Variants in FGD6 observed in about 807,000 individuals in gnomAD.
The protein encoded by FGD6 is FYVE, RhoGEF and PH domain-containing protein 6.
In FGD6, 90 loss-of-function variants were observed where a neutral mutation model predicts 149.4. The observed-to-expected ratio is 0.60, with a 90% CI of 0.51 to 0.72. The LOEUF (loss-of-function observed/expected upper bound fraction) is 0.72. FGD6 is among the 30% of genes least tolerant of loss of function. The pLI is 0.00. For synonymous variants in FGD6, 527 were observed against 584.0 expected, an observed-to-expected ratio of 0.90 and a Z score of 1.41; for missense variants, 1,437 against 1,684.8, an observed-to-expected ratio of 0.85 and a Z score of 2.57.
intron 18 of FGD6, among the ~76,000 whole-genome samples, chr12:95,088,893 G>C (rs1046008391): frequency 6.6e-6 from 1 of 152,110 alleles, no homozygotes; most frequent in African/African-American, 2.4e-5. Flanking sequence ...ATGTATGCTA[G>C]AACACCTCCT....
chr12:95,107,646 C>T lies in FGD6; in HGVS notation c.3265-15G>A, dbSNP rs1235405866. ...TTGAGAAAAACCTGATTCACCCAAA[C>T]AAACACCCATTTAGTCCTACCATCA... On this transcript the variant is annotated splice_polypyrimidine_tract_variant and intron_variant, in intron 11 of 20. Coordinates refer to ENST00000343958, the MANE Select transcript of FGD6 (RefSeq NM_018351.4). 1 of 1,613,678 alleles carries T rather than the reference C, an allele frequency of 6.2e-7. No homozygotes were observed. Among genetic ancestry groups the T allele is most frequent in the Middle Eastern group, 1.6e-4 (1 of 6,062 alleles).
intron 3 of FGD6, among the ~76,000 whole-genome samples, chr12:95,156,838 A>C (rs553452957): frequency 6.6e-6 from 1 of 152,328 alleles, no homozygotes; most frequent in South Asian, 2.1e-4. Flanking sequence ...GGGAAAATGA[A>C]AACAACCTAC....
intron 1 of FGD6, among the ~76,000 whole-genome samples, chr12:95,216,669 C>CAAAAAAA (rs143881424): frequency 1.0e-4 from 9 of 88,722 alleles, no homozygotes; most frequent in East Asian, 3.9e-4. Context: ...TGCAGACAAG[C>CAAAAAAA]AAAAAAAAAA....
chr12:95,080,157 G>A lies in FGD6; in HGVS notation c.*1363C>T, dbSNP rs563691122. The A allele has an allele frequency of 5.3e-5, 8 of 152,158 alleles. No individual in the cohort carries two copies. The highest frequency in any genetic ancestry group is 1.9e-4 in the African/African-American group (8 of 41,514). 9.4% of individuals were successfully genotyped at this position (152,158 alleles called of 1,614,324 possible). A position where few individuals can be genotyped will look rare whatever the true frequency, so the allele number is the denominator to read the frequency against. On this transcript the variant is annotated 3_prime_UTR_variant, in exon 21 of 21. Transcript: ENST00000343958. ...AATAGAGATGGGGTTTCACCATATT[G>A]GCCAGGCTGGTCTCGATCTCCTGAC...
Position 95,080,902 on chromosome 12 carries a change from T to C in FGD6, c.*618A>G, listed in dbSNP as rs935384040. On this transcript the variant is annotated 3_prime_UTR_variant, in exon 21 of 21. Coordinates refer to ENST00000343958, the MANE Select transcript of FGD6 (RefSeq NM_018351.4). ...TCTTTGCTATAATTCTTTGATGATGTAATATTAACTCCTGCCAAAGAGGTA... is the reference window on the plus strand; with the variant it reads ...TCTTTGCTATAATTCTTTGATGATGCAATATTAACTCCTGCCAAAGAGGTA... 3.3e-5 allele frequency: 5 copies of C among 152,200 alleles called. No homozygotes were observed. Among genetic ancestry groups the C allele is most frequent in the African/African-American group, 1.2e-4 (5 of 41,456 alleles). 9.4% of individuals were successfully genotyped at this position (152,200 alleles called of 1,614,324 possible). A position where few individuals can be genotyped will look rare whatever the true frequency, so the allele number is the denominator to read the frequency against.
chr12:95,185,689 C>T (rs1050444549), intron 2 of FGD6, among the ~76,000 whole-genome samples: 2 of 152,182 alleles, frequency 1.3e-5, no homozygotes, highest in African/African-American at 2.4e-5. Context: ...GGCGAAACCT[C>T]GTCTCTTCTA....
chr12:95,210,262 G>A lies in FGD6; in HGVS notation c.1022C>T (p.Pro341Leu), dbSNP rs754288500. ...VDTPSESTEE[P>L]GNSDSSSSCL... ...GGAAGAGCTACTGTCTGAATTCCCCGGTTCTTCAGTGCTTTCACTAGGAGT... is the reference window on the plus strand; with the variant it reads ...GGAAGAGCTACTGTCTGAATTCCCCAGTTCTTCAGTGCTTTCACTAGGAGT... The change falls in exon 2 of 21, where the codon CCG becomes CTG. Residue 341 changes from proline (P) to leucine (L), a missense_variant. By Grantham distance (98) the Pro-to-Leu change is moderately conservative (BLOSUM62 -3). Around this residue, in one of 2 missense-constraint regions of FGD6, gnomAD observed 1,055 missense variants for 1,146.0 expected, o/e 0.92. Transcript: ENST00000343958. 6.2e-6 allele frequency: 10 copies of A among 1,613,684 alleles called. No individual in the cohort carries two copies. The highest frequency in any genetic ancestry group is 2.2e-5 in the South Asian group (2 of 91,042).
rs776854986 is a variant in FGD6, at chr12:95,081,565, A to G, written c.4257-9T>C. On this transcript the variant is annotated splice_polypyrimidine_tract_variant and intron_variant, in intron 20 of 20. Coordinates refer to ENST00000343958, the MANE Select transcript of FGD6 (RefSeq NM_018351.4). The stretch of plus-strand genomic sequence containing the variant: ...GAAATGCTTCTATCCACCTATTGAT[A>G]AGAGAAATCGGTTAGATTTGTAAAA... The G allele has an allele frequency of 6.3e-7, 1 of 1,599,800 alleles. No homozygotes were observed. Among genetic ancestry groups the G allele is most frequent in the African/African-American group, 1.3e-5 (1 of 74,792 alleles).
chr12:95,143,324 A>T (rs1289416554), intron 5 of FGD6, among the ~76,000 whole-genome samples: 1 of 151,788 alleles, frequency 6.6e-6, no homozygotes, highest in Non-Finnish European at 1.5e-5. Context: ...GGACAACCAA[A>T]AACCTCATAG....
intron 5 of FGD6, among the ~76,000 whole-genome samples, chr12:95,146,730 T>C (rs1045368866): frequency 1.3e-5 from 2 of 152,170 alleles, no homozygotes; most frequent in Admixed American, 1.3e-4. Flanking sequence ...GGCCTCTGAA[T>C]TATGAAGCAT....
In FGD6 at chr12:95,194,371, G is replaced by A. The variant is rs117420531; in HGVS notation, c.2441+14472C>T. ...CTGCCCCAGCCTCCTGAATAGCTCA[G>A]ATTACAGGCATGAACCACTATGCCT... On this transcript the variant is annotated intron_variant, in intron 2 of 20. Coordinates refer to ENST00000343958, the MANE Select transcript of FGD6 (RefSeq NM_018351.4). Among the ~76,000 whole-genome samples the A allele has an allele frequency of 1.9e-3, 289 of 152,244 alleles. No individual in the cohort carries two copies. In the East Asian group the frequency reaches 0.026, roughly 13 times the overall value.
In FGD6 at chr12:95,152,924, A is replaced by G. The variant is rs1391253906; in HGVS notation, c.2654+2T>C. On this transcript the variant is annotated splice_donor_variant, in intron 4 of 20. Coordinates refer to ENST00000343958, the MANE Select transcript of FGD6 (RefSeq NM_018351.4). LOFTEE classifies it high-confidence loss of function. ...CTTCTGAATTGTAAACTAGATACCTACACTTTCTCTGAGCTCATGATCTCC... is the reference window on the plus strand; with the variant it reads ...CTTCTGAATTGTAAACTAGATACCTGCACTTTCTCTGAGCTCATGATCTCC... 1 of 1,613,950 alleles carries G rather than the reference A, an allele frequency of 6.2e-7. No homozygotes were observed. Among genetic ancestry groups the G allele is most frequent in the Non-Finnish European group, 8.5e-7 (1 of 1,179,894 alleles).
At position 95,150,773 on chromosome 12, in the gene FGD6, C is replaced by T. The variant is rs575712386; in HGVS notation, c.2685+2038G>A. Among the ~76,000 whole-genome samples, 4 of 152,120 alleles carry T rather than the reference C, an allele frequency of 2.6e-5. No individual in the cohort carries two copies. The South Asian group carries it at 8.3e-4, about 32-fold the overall frequency. ...ATAAGTGTGTGCTACCCATGCCTAG[C>T]TTTGTCCTATCATTAAAAAAAGAAA... On this transcript the variant is annotated intron_variant, in intron 5 of 20. Coordinates refer to ENST00000343958, the MANE Select transcript of FGD6 (RefSeq NM_018351.4).
Position 95,085,836 on chromosome 12 carries a change from T to C in FGD6, c.4051A>G (p.Lys1351Glu). ...YRSKGNKKPW[K>E]HFWFVIKNKV... The stretch of plus-strand genomic sequence containing the variant: ...TTTTTTATGACAAACCAAAAGTGTT[T>C]CCAGGGTTTTTTATTGCCCTTTGAT... Residue 1351 changes from lysine to glutamate, a missense_variant, in exon 19 of 21, where the codon AAA becomes GAA. Transcript: ENST00000343958. The C allele has an allele frequency of 1.2e-6, 2 of 1,614,012 alleles. No individual in the cohort carries two copies. The highest frequency in any genetic ancestry group is 1.7e-6 in the Non-Finnish European group (2 of 1,179,966).
chr12:95,208,236 A>C (rs2056702677), intron 2 of FGD6, among the ~76,000 whole-genome samples: 1 of 152,092 alleles, frequency 6.6e-6, no homozygotes, highest in African/African-American at 2.4e-5. Context: ...TGGGTGACAG[A>C]GTAAGACCTC....
intron 8 of FGD6, among the ~76,000 whole-genome samples, chr12:95,125,189 C>A (rs946772590): frequency 1.3e-5 from 2 of 152,106 alleles, no homozygotes; most frequent in African/African-American, 2.4e-5. Flanking sequence ...AACTCCTGTT[C>A]TACAGAGAAA....
intron 5 of FGD6, among the ~76,000 whole-genome samples, chr12:95,148,655 T>C (rs905817219): frequency 3.3e-5 from 4 of 121,234 alleles, no homozygotes; most frequent in South Asian, 2.3e-4. Flanking sequence ...ATATATTATA[T>C]ATTATATAAT....
chr12:95,091,747 TG>T lies in FGD6; in HGVS notation c.3809del (p.Ala1270GlufsTer14), dbSNP rs1267017972. ...YGLDYLKNQP[A>X]RVCEHCFQEL... ...CTTGGAAACAATGTTCACATACTCTTGCTGGTTGATTTTTCAGGTAATCTAA... is the reference window on the plus strand; with the variant it reads ...CTTGGAAACAATGTTCACATACTCTTCTGGTTGATTTTTCAGGTAATCTAA... On this transcript the variant is annotated frameshift_variant, in exon 17 of 21. Transcript: ENST00000343958. LOFTEE classifies it high-confidence loss of function. The T allele has an allele frequency of 6.2e-7, 1 of 1,613,716 alleles. No individual in the cohort carries two copies.
At chr12:95,110,059 C>T (rs1878765526) in intron 9 of FGD6, among the ~76,000 whole-genome samples, 1 of 151,636 alleles carries the variant, frequency 6.6e-6, no homozygotes, top group African/African-American at 2.4e-5. Context: ...TCACTGCAAG[C>T]TCCACCTCCC....
Sources: gnomAD v4.1 joint callset for allele counts (sites outside exome capture counted in the v4.1 genomes callset) on GRCh38, gnomAD v4.1.1 for gene constraint, gnomAD v4.1.1 regional missense constraint, MANE v1.5 for transcripts, NCBI Gene and HGNC (gene_info 2026-07-23, HGNC 2026-07-21) for gene names.